The following ZNF85 variants were observed in gnomAD, a reference collection of about 807,000 sequenced individuals.
The protein encoded by ZNF85 is zinc finger protein 85, also known as zinc finger protein 85 (HPF4, HTF1).
Under a neutral mutation model 53.9 loss-of-function variants are expected in ZNF85, and 50 were observed. The observed-to-expected ratio is 0.93, with a 90% CI of 0.74 to 1.17. The LOEUF (loss-of-function observed/expected upper bound fraction) is 1.17, where lower values mean the gene tolerates loss of function less well. Ranked by LOEUF, ZNF85 falls within the 50% of genes most tolerant of loss-of-function variation. The pLI, the probability that ZNF85 is intolerant of heterozygous loss-of-function variation, is 0.00. For missense variants in ZNF85, 747 were observed against 688.5 expected (o/e 1.08, Z -0.95); for synonymous variants, 225 against 226.1 (o/e 1.00, Z 0.04).
intron 1 of ZNF85, 71 bp downstream of exon 1, chr19:20,923,474 GGGACTCAGGC>G: frequency 6.2e-7 from 1 of 1,610,236 alleles, no homozygotes; most frequent in East Asian, 2.2e-5. Context: ...CGGCTGTGGC[GGGACTCAGGC>G]CTCCCTGTAG....
chr19:20,943,163 G>C, intron 3 of ZNF85: 1 of 298,276 alleles, frequency 3.4e-6, no homozygotes, highest in Admixed American at 5.1e-5. Flanking sequence ...TCTTGCTTTT[G>C]ACTGAAAAGT....
At chr19:20,943,504 A>G (rs1346372445) in intron 3 of ZNF85, 1 of 152,218 alleles carries the variant, frequency 6.6e-6, no homozygotes, top group African/African-American at 2.4e-5. Context: ...CACCAGAGGC[A>G]GATGCCGGCA....
intron 3 of ZNF85, chr19:20,943,614 T>G (rs926312048): frequency 7.2e-5 from 11 of 152,226 alleles, no homozygotes; most frequent in African/African-American, 2.7e-4. Context: ...AATAATATAT[T>G]CTGTAACGTT....
chr19:20,930,418 T>A (rs1230594458), intron 1 of ZNF85, among the ~76,000 whole-genome samples: 4 of 152,168 alleles, frequency 2.6e-5, no homozygotes, highest in Non-Finnish European at 5.9e-5. Context: ...TTCCTTTCTG[T>A]ATTCCTCTCA....
At chr19:20,939,590 G>A (rs1455575496) in intron 3 of ZNF85, among the ~76,000 whole-genome samples, 12 of 151,696 alleles carry the variant, frequency 7.9e-5, no homozygotes, top group Non-Finnish European at 1.3e-4. Flanking sequence ...TGTGTTTTTT[G>A]CTTTTACTTA....
intron 3 of ZNF85, chr19:20,946,438 T>TGTC (rs202002566): frequency 8.6e-5 from 28 of 323,904 alleles, no homozygotes; most frequent in Middle Eastern, 7.3e-4. Context: ...TCTAATATTC[T>TGTC]TTTTTTTTAT....
intron 3 of ZNF85, among the ~76,000 whole-genome samples, chr19:20,939,323 T>G (rs565987767): frequency 6.6e-6 from 1 of 152,188 alleles, no homozygotes. Context: ...TGGCATGATC[T>G]CAGCTCACTG....
In ZNF85 at chr19:20,949,587, C is replaced by A. The variant is rs762369427; in HGVS notation, c.1073C>A (p.Thr358Asn). ...GKAFNQSAHL[T>N]THEVIHTGEK... ...GCCTTTAACCAGTCTGCACACCTTA[C>A]CACACATGAGGTAATTCATACTGGA... The change falls in exon 4 of 4, where the codon ACC becomes AAC. Residue 358 changes from threonine (T) to asparagine (N), a missense_variant. Coordinates refer to ENST00000328178, the MANE Select transcript of ZNF85 (RefSeq NM_003429.5). 27 of 1,597,518 alleles carry A rather than the reference C, an allele frequency of 1.7e-5. No individual in the cohort carries two copies. The Admixed American group carries it at 4.6e-4, about 27-fold the overall frequency.
At chr19:20,947,935 T>C (rs1973462888) in intron 3 of ZNF85, among the ~76,000 whole-genome samples, 2 of 152,058 alleles carry the variant, frequency 1.3e-5, no homozygotes, top group Admixed American at 1.3e-4. Flanking sequence ...TAATGATAGC[T>C]TTCTGAAATT....
At chr19:20,933,421 T>C (rs975425093) in intron 1 of ZNF85, among the ~76,000 whole-genome samples, 1 of 152,062 alleles carries the variant, frequency 6.6e-6, no homozygotes, top group African/African-American at 2.4e-5. Flanking sequence ...AGCTCTTATC[T>C]TTGTTTACAG....
intron 1 of ZNF85, among the ~76,000 whole-genome samples, chr19:20,932,293 AT>A (rs1973041293): frequency 6.6e-6 from 1 of 152,226 alleles, no homozygotes; most frequent in Non-Finnish European, 1.5e-5. Flanking sequence ...CTAGAATGCC[AT>A]GCAAATCATT....
chr19:20,943,005 G>GCTC (rs1278285675), intron 3 of ZNF85: 6 of 501,060 alleles, frequency 1.2e-5, no homozygotes, highest in African/African-American at 1.2e-4. Context: ...CAAACTTCTG[G>GCTC]CTCCAAATGA....
chr19:20,923,748 T>A lies in ZNF85; in HGVS notation c.3+345T>A, dbSNP rs574962591. 4.9e-4 allele frequency among the ~76,000 whole-genome samples: 74 copies of A among 152,230 alleles called. 1 individual carries two copies. The highest frequency in any genetic ancestry group is 1.7e-3 in the African/African-American group (69 of 41,550). ...CGGGGTGCGGGTTCATGAAAGAGCT[T>A]TGGGCTGTGGGGTTCCCAGTTCCTC... On this transcript the variant is annotated intron_variant, in intron 1 of 3. Coordinates refer to ENST00000328178, the MANE Select transcript of ZNF85 (RefSeq NM_003429.5).
In ZNF85 at chr19:20,950,177, A is replaced by G. The variant is rs1568558661; in HGVS notation, c.1663A>G (p.Lys555Glu). 1.9e-6 allele frequency: 3 copies of G among 1,613,294 alleles called. No individual in the cohort carries two copies. The highest frequency in any genetic ancestry group is 8.5e-7 in the Non-Finnish European group (1 of 1,179,742). Residue 555 changes from lysine to glutamate, a missense_variant, in exon 4 of 4, where the codon AAA (lysine) becomes GAA (glutamate). By Grantham distance (56) the Lys-to-Glu change is moderately conservative. Coordinates refer to ENST00000328178, the MANE Select transcript of ZNF85 (RefSeq NM_003429.5). ...CTTTAACCAGTCCTCAAACCTTACT[A>G]AACATAAGAGAATTCATACTGGAGA... ...KAFNQSSNLT[K>E]HKRIHTGEKP... is the part of the protein sequence containing the mutation.
At chr19:20,937,394 G>A (rs746766835) in intron 3 of ZNF85, 8 of 455,608 alleles carry the variant, frequency 1.8e-5, no homozygotes, top group Admixed American at 1.2e-4. Flanking sequence ...CCAGGGTGAC[G>A]GGATGCCCTC....
chr19:20,937,604 G>C (rs911656570), intron 3 of ZNF85, among the ~76,000 whole-genome samples: 62 of 152,276 alleles, frequency 4.1e-4, no homozygotes, highest in Non-Finnish European at 4.7e-4. Flanking sequence ...TCTGCTAATG[G>C]CAGGGCTTAT....
At chr19:20,929,061 G>C (rs755945036) in intron 1 of ZNF85, among the ~76,000 whole-genome samples, 5 of 149,782 alleles carry the variant, frequency 3.3e-5, no homozygotes, top group Admixed American at 6.6e-5. Context: ...CTCAGTGTCT[G>C]TTGTTTCTTT....
chr19:20,923,311 G>A lies in ZNF85; in HGVS notation c.-90G>A. On this transcript the variant is annotated 5_prime_UTR_variant, in exon 1 of 4. Coordinates refer to ENST00000328178, the MANE Select transcript of ZNF85 (RefSeq NM_003429.5). ...TTGTTTTCCCTGCTTTGTGTTTTCT[G>A]CTCGTGGACGCCCAGCCTCTGTGGC... 6.3e-7 allele frequency: 1 copy of A among 1,598,432 alleles called. No individual in the cohort carries two copies.
chr19:20,947,465 A>G (rs1251920784), intron 3 of ZNF85, among the ~76,000 whole-genome samples: 1 of 124,210 alleles, frequency 8.1e-6, no homozygotes, highest in East Asian at 2.6e-4. Context: ...TTTGATATGT[A>G]GGGCATATGC....
Sources: allele counts gnomAD v4.1 joint callset (sites outside exome capture counted in the v4.1 genomes callset), GRCh38; gene constraint gnomAD v4.1.1; transcripts MANE v1.5; gene names NCBI Gene and HGNC (gene_info 2026-07-23, HGNC 2026-07-21).